Variants in ACTN2 observed in about 807,000 individuals in gnomAD.
ACTN2 encodes the protein actinin alpha 2.
Under a neutral mutation model 113.8 loss-of-function variants are expected in ACTN2, and 39 were observed. The observed-to-expected ratio is 0.34, with a 90% CI of 0.27 to 0.45. The LOEUF is 0.45. Among genes scored for constraint, ACTN2 ranks in the 20% least tolerant of loss-of-function variants. The pLI is 1.00. For missense variants in ACTN2, 992 were observed against 1,177.9 expected, an observed-to-expected ratio of 0.84 and a Z score of 2.31; for synonymous variants, 429 against 444.1, an observed-to-expected ratio of 0.97 and a Z score of 0.43.
chr1:236,746,956 T>C (rs1031742500), intron 12 of ACTN2, among the ~76,000 whole-genome samples: 1 of 152,142 alleles, frequency 6.6e-6, no homozygotes, highest in Non-Finnish European at 1.5e-5. Context: ...CTCTACCCAG[T>C]GGTGAGGCCA....
At chr1:236,738,100 CCA>C in intron 9 of ACTN2, among the ~76,000 whole-genome samples, 1 of 152,334 alleles carries the variant, frequency 6.6e-6, no homozygotes, top group South Asian at 2.1e-4. Context: ...ACCTCCGCCC[CCA>C]GGGTTCAAGC....
chr1:236,691,405 G>T (rs1354503839), intron 1 of ACTN2, among the ~76,000 whole-genome samples: 1 of 152,074 alleles, frequency 6.6e-6, no homozygotes, highest in East Asian at 1.9e-4. Flanking sequence ...CACTTTGAGA[G>T]GCCAAGGTAG....
intron 1 of ACTN2, among the ~76,000 whole-genome samples, chr1:236,693,593 C>G (rs1169914707): frequency 6.6e-6 from 1 of 152,178 alleles, no homozygotes; most frequent in Non-Finnish European, 1.5e-5. Flanking sequence ...GCCCCCTCCT[C>G]CTCTCCCACA....
intron 1 of ACTN2, among the ~76,000 whole-genome samples, chr1:236,692,949 G>A (rs1657319955): frequency 1.3e-5 from 2 of 152,134 alleles, no homozygotes; most frequent in Admixed American, 1.3e-4. Context: ...CTACCATGAT[G>A]AGCAGAGGAG....
At chr1:236,718,292 C>G (rs762543972) in intron 2 of ACTN2, among the ~76,000 whole-genome samples, 2 of 152,198 alleles carry the variant, frequency 1.3e-5, no homozygotes, top group African/African-American at 2.4e-5. Context: ...AGAGTGTATT[C>G]CAGAAATCAT....
At chr1:236,743,069 T>C in intron 11 of ACTN2, 26 bp downstream of exon 11, 1 of 1,613,664 alleles carries the variant, frequency 6.2e-7, no homozygotes, top group Non-Finnish European at 8.5e-7. Context: ...TCAGATTGGA[T>C]TTTTGAAAAA....
At chr1:236,749,696 A>G (rs1659339439) in intron 14 of ACTN2, among the ~76,000 whole-genome samples, 1 of 151,942 alleles carries the variant, frequency 6.6e-6, no homozygotes. Context: ...AGCTACTGGG[A>G]AGGCTGAGGT....
intron 7 of ACTN2, 109 bp from the exon 8 acceptor site, chr1:236,735,526 G>A: frequency 1.0e-6 from 1 of 1,000,204 alleles, no homozygotes; most frequent in South Asian, 1.3e-5. Context: ...AATCTGGTCA[G>A]TGTAAACCAA....
chr1:236,713,699 A>G (rs1658124090), intron 1 of ACTN2, among the ~76,000 whole-genome samples: 1 of 45,236 alleles, frequency 2.2e-5, no homozygotes, highest in East Asian at 7.3e-4. Context: ...CTGAAGGGAT[A>G]TGCAAGAGAC....
At chr1:236,757,372 C>A (rs2102946786) in intron 17 of ACTN2, 114 bp from the exon 18 acceptor site, 1 of 1,356,458 alleles carries the variant, frequency 7.4e-7, no homozygotes, top group Non-Finnish European at 1.0e-6. Context: ...GGAAGGCTAT[C>A]ATGAGCCCTG....
intron 1 of ACTN2, among the ~76,000 whole-genome samples, chr1:236,708,620 G>A (rs1038050918): frequency 6.6e-6 from 1 of 152,204 alleles, no homozygotes; most frequent in Admixed American, 6.5e-5. Flanking sequence ...ATGTAAGGTT[G>A]CTGCTGGTGA....
intron 19 of ACTN2, among the ~76,000 whole-genome samples, chr1:236,760,208 T>C (rs1272082692): frequency 6.6e-6 from 1 of 151,292 alleles, no homozygotes; most frequent in African/African-American, 2.4e-5. Flanking sequence ...ATTGCACCAC[T>C]GCACTCCAGC....
rs937002280 is a variant in ACTN2 at position 236,736,791 on chromosome 1, C to T, written c.784-331C>T. 47 of 683,970 alleles carry T rather than the reference C, an allele frequency of 6.9e-5. No individual in the cohort carries two copies. In the African/African-American group the frequency reaches 8.5e-4, roughly 12 times the overall value. The allele number at this position is 683,970 out of a possible 1,614,324, so 42.4% of individuals were successfully genotyped here. A position where few individuals can be genotyped will look rare whatever the true frequency, so the allele number is the denominator to read the frequency against. ...AGAGTTCAGGTGGACATTCAGGGACCCAAGATCTTGGTTTCCTGGACCCAA... is the reference window on the plus strand; with the variant it reads ...AGAGTTCAGGTGGACATTCAGGGACTCAAGATCTTGGTTTCCTGGACCCAA... On this transcript the variant is annotated intron_variant, in intron 8 of 20. Transcript: ENST00000366578.
intron 1 of ACTN2, among the ~76,000 whole-genome samples, chr1:236,709,573 G>A (rs569166748): frequency 3.3e-5 from 5 of 151,650 alleles, no homozygotes; most frequent in East Asian, 3.9e-4. Flanking sequence ...GATGCAGGTC[G>A]TGATGAGTGT....
intron 15 of ACTN2, 105 bp from the exon 16 acceptor site, chr1:236,753,842 C>G: frequency 3.0e-6 from 4 of 1,321,206 alleles, no homozygotes; most frequent in Non-Finnish European, 4.2e-6. Flanking sequence ...TTCGTTTCTC[C>G]TTCTCCACTC....
chr1:236,731,177 A>C, intron 6 of ACTN2, 56 bp from the exon 7 acceptor site: 1 of 1,378,512 alleles, frequency 7.3e-7, no homozygotes, highest in South Asian at 1.2e-5. Flanking sequence ...AACATTCTTC[A>C]TAAGTCTTGT....
At chr1:236,734,568 T>G in intron 7 of ACTN2, 1 of 1,369,184 alleles carries the variant, frequency 7.3e-7, no homozygotes, top group Non-Finnish European at 9.9e-7. Context: ...TTCTGTGTCT[T>G]AATTTTTTTT....
intron 7 of ACTN2, chr1:236,734,631 G>A (rs750619501): frequency 1.3e-5 from 9 of 714,214 alleles, no homozygotes; most frequent in Non-Finnish European, 1.8e-5. Context: ...AGACTGTCTG[G>A]TTCCCAGGAG....
intron 19 of ACTN2, among the ~76,000 whole-genome samples, chr1:236,760,111 TGGC>T (rs1221756552): frequency 6.6e-6 from 1 of 152,094 alleles, no homozygotes; most frequent in African/African-American, 2.4e-5. Flanking sequence ...CCAGCTGTGG[TGGC>T]GGGCACCTGT....
Sources: allele counts gnomAD v4.1 joint callset (sites outside exome capture counted in the v4.1 genomes callset), GRCh38; gene constraint gnomAD v4.1.1; transcripts MANE v1.5; gene names NCBI Gene and HGNC (gene_info 2026-07-23, HGNC 2026-07-21).